NOVA2: variants seen among roughly 807,000 people sequenced by gnomAD.
NOVA2 encodes NOVA alternative splicing regulator 2.
In NOVA2, 9 loss-of-function variants were observed where a neutral mutation model predicts 22.5. The observed-to-expected ratio is 0.40, with a 90% CI of 0.24 to 0.70. The LOEUF (loss-of-function observed/expected upper bound fraction) is 0.70, where lower values mean the gene tolerates loss of function less well. Ranked by LOEUF, NOVA2 falls within the 30% of genes least tolerant of loss-of-function variation. The probability of loss-of-function intolerance (pLI) is 0.38; values close to 1 mark genes in which losing one functional copy is unlikely to be tolerated. For synonymous variants in NOVA2, 318 were observed against 335.2 expected, an observed-to-expected ratio of 0.95 and a Z score of 0.56; for missense variants, 383 against 682.8, an observed-to-expected ratio of 0.56 and a Z score of 4.89.
intron 2 of NOVA2, among the ~76,000 whole-genome samples, chr19:45,956,564 A>G (rs900977542): frequency 2.0e-5 from 3 of 151,634 alleles, no homozygotes; most frequent in Non-Finnish European, 4.4e-5. Context: ...TCTGCCTCCC[A>G]GTTCAAGTGA....
At position 45,946,224 on chromosome 19, in the gene NOVA2, C is replaced by T. The variant is rs375712789; in HGVS notation, c.397-5279G>A. On this transcript the variant is annotated intron_variant, in intron 3 of 3. Coordinates refer to ENST00000263257, the MANE Select transcript of NOVA2 (RefSeq NM_002516.4). ...GTCTGAGAAGGGAGGATGGCTTGAG[C>T]CCAAGAGGTGGAGGTTGAAGTGAGC... 2.0e-5 allele frequency among the ~76,000 whole-genome samples: 3 copies of T among 152,008 alleles called. No individual in the cohort carries two copies. In the East Asian group the frequency reaches 5.8e-4, roughly 29 times the overall value.
At chr19:45,960,978 G>A (rs1230139230) in intron 2 of NOVA2, 32 bp downstream of exon 2, 5 of 1,556,010 alleles carry the variant, frequency 3.2e-6, no homozygotes, top group African/African-American at 2.7e-5. Flanking sequence ...AAGGGCGGGG[G>A]GCCTAGGGCA....
At chr19:45,970,268 G>T (rs911567692) in intron 1 of NOVA2, among the ~76,000 whole-genome samples, 2 of 152,108 alleles carry the variant, frequency 1.3e-5, no homozygotes, top group African/African-American at 4.8e-5. Flanking sequence ...TATTATAACT[G>T]ATTATTATTA....
At chr19:45,965,729 C>CAA (rs113511683) in intron 1 of NOVA2, among the ~76,000 whole-genome samples, 16 of 135,452 alleles carry the variant, frequency 1.2e-4, no homozygotes, top group African/African-American at 2.9e-4. Context: ...GACTGTGTCT[C>CAA]AAAAAAAAAA....
At chr19:45,959,303 G>C (rs955365639) in intron 2 of NOVA2, among the ~76,000 whole-genome samples, 6 of 152,198 alleles carry the variant, frequency 3.9e-5, no homozygotes, top group African/African-American at 1.4e-4. Flanking sequence ...TGCACGCCAG[G>C]AGTGGGGATG....
intron 2 of NOVA2, among the ~76,000 whole-genome samples, chr19:45,955,608 C>T (rs1967992926): frequency 1.3e-5 from 2 of 151,986 alleles, no homozygotes; most frequent in Admixed American, 1.3e-4. Context: ...GCTTGAAACC[C>T]CAGCACTTTG....
At chr19:45,958,787 G>C (rs900270742) in intron 2 of NOVA2, among the ~76,000 whole-genome samples, 5 of 152,096 alleles carry the variant, frequency 3.3e-5, no homozygotes, top group African/African-American at 9.7e-5. Flanking sequence ...AGCAGCCTCC[G>C]AGTATGCCAT....
chr19:45,946,486 T>G (rs2146411153), intron 3 of NOVA2, among the ~76,000 whole-genome samples: 1 of 152,280 alleles, frequency 6.6e-6, no homozygotes. Context: ...AGCATTTTTG[T>G]TTGTTTGTTT....
chr19:45,941,509 G>T (rs915246503), intron 3 of NOVA2, among the ~76,000 whole-genome samples: 1 of 151,812 alleles, frequency 6.6e-6, no homozygotes, highest in African/African-American at 2.4e-5. Flanking sequence ...GACGCCCCAG[G>T]TCATTCCCTA....
chr19:45,941,397 G>C (rs1311388785), intron 3 of NOVA2, among the ~76,000 whole-genome samples: 1 of 151,444 alleles, frequency 6.6e-6, no homozygotes, highest in Admixed American at 6.6e-5. Context: ...TTGAACTCTT[G>C]GCCTCAAGGG....
At chr19:45,966,068 C>A (rs1244812252) in intron 1 of NOVA2, among the ~76,000 whole-genome samples, 2 of 152,046 alleles carry the variant, frequency 1.3e-5, no homozygotes, top group Admixed American at 6.6e-5. Context: ...AGGGGTGATC[C>A]TACTTTGTTA....
intron 3 of NOVA2, among the ~76,000 whole-genome samples, chr19:45,949,357 C>G (rs1365075587): frequency 1.4e-5 from 2 of 145,774 alleles, no homozygotes; most frequent in African/African-American, 5.1e-5. Flanking sequence ...GAAAAACAAA[C>G]AGCCTGACAA....
chr19:45,940,798 C>T lies in NOVA2; in HGVS notation c.544G>A (p.Val182Ile). The T allele has an allele frequency of 1.2e-6, 2 of 1,607,048 alleles. No individual in the cohort carries two copies. The highest frequency in any genetic ancestry group is 1.7e-6 in the Non-Finnish European group (2 of 1,179,916). The change falls in exon 4 of 4, where the codon GTC (valine) becomes ATC (isoleucine). Residue 182 changes from valine to isoleucine, a missense_variant. Physicochemically the swap from Val to Ile is conservative, Grantham distance 29 (BLOSUM62 3). Around this residue, in one of 2 missense-constraint regions of NOVA2, gnomAD observed 349 missense variants for 578.1 expected, o/e 0.60. Transcript: ENST00000263257. ...GINLQERVVT[V>I]SGEPEQVHKA... ...TGCACCTGCTCGGGCTCGCCGCTGA[C>T]CGTCACCACGCGCTCCTGCAGGTTG... is the stretch of plus-strand genomic sequence containing the variant.
chr19:45,942,633 T>A (rs1204176418), intron 3 of NOVA2, among the ~76,000 whole-genome samples: 1 of 152,114 alleles, frequency 6.6e-6, no homozygotes, highest in Non-Finnish European at 1.5e-5. Flanking sequence ...CCCAAGAATC[T>A]AGATTTCAAT....
chr19:45,941,991 C>G (rs2146407973), intron 3 of NOVA2, among the ~76,000 whole-genome samples: 1 of 152,246 alleles, frequency 6.6e-6, no homozygotes, highest in Non-Finnish European at 1.5e-5. Context: ...CCTGGAAAAG[C>G]CTTCATTAAG....
At chr19:45,964,561 A>ATCTCTCTCTCTCTCTC (rs141748431) in intron 1 of NOVA2, among the ~76,000 whole-genome samples, 9,083 of 136,922 alleles carry the variant, frequency 0.066, 685 homozygotes, top group East Asian at 0.18. Flanking sequence ...ACACTCTCTG[A>ATCTCTCTCTCTCTCTC]TCTCTCTCTC....
chr19:45,954,274 G>A (rs1967970423), intron 2 of NOVA2, among the ~76,000 whole-genome samples: 1 of 152,154 alleles, frequency 6.6e-6, no homozygotes, highest in South Asian at 2.1e-4. Flanking sequence ...CTCAGTTCTT[G>A]CGGTTCCCTG....
chr19:45,962,403 A>C (rs1339158222), intron 1 of NOVA2: 1 of 152,784 alleles, frequency 6.5e-6, no homozygotes, highest in Non-Finnish European at 1.5e-5. Flanking sequence ...GGCACAGAGA[A>C]GTGAAGGTAC....
chr19:45,966,718 A>T (rs1968172659), intron 1 of NOVA2, among the ~76,000 whole-genome samples: 1 of 152,156 alleles, frequency 6.6e-6, no homozygotes, highest in Admixed American at 6.5e-5. Context: ...TCTCTACTAA[A>T]TACAAAAAAT....
Sources: allele counts gnomAD v4.1 joint callset (sites outside exome capture counted in the v4.1 genomes callset), GRCh38; gene constraint gnomAD v4.1.1; regional missense constraint gnomAD v4.1.1; transcripts MANE v1.5; gene names NCBI Gene and HGNC (gene_info 2026-07-23, HGNC 2026-07-21).